LRPPRC: variants seen among roughly 807,000 people sequenced by gnomAD.
The protein encoded by LRPPRC is leucine rich pentatricopeptide repeat containing.
In LRPPRC, 120 loss-of-function variants were observed where a neutral mutation model predicts 180.3. The observed-to-expected ratio is 0.67, with a 90% CI of 0.57 to 0.77. The LOEUF (loss-of-function observed/expected upper bound fraction) is 0.77. Among genes scored for constraint, LRPPRC ranks in the 30% least tolerant of loss-of-function variants. LRPPRC has a pLI of 0.00. For synonymous variants in LRPPRC, 723 were observed against 600.0 expected (o/e 1.21, Z -3.00); for missense variants, 2,012 against 1,657.2 (o/e 1.21, Z -3.72).
chr2:43,989,668 A>G (rs1200700618), intron 1 of LRPPRC, among the ~76,000 whole-genome samples: 2 of 152,230 alleles, frequency 1.3e-5, no homozygotes, highest in Non-Finnish European at 2.9e-5. Context: ...TCTGCACCCA[A>G]TGATAACTAC....
intron 31 of LRPPRC, chr2:43,901,908 T>C: frequency 5.7e-6 from 1 of 176,616 alleles, no homozygotes; most frequent in East Asian, 1.5e-4. Flanking sequence ...GTCCAGATTT[T>C]AACTCGAAGA....
At position 43,886,376 on chromosome 2, in the gene LRPPRC, T is replaced by G. The variant is rs757205247; in HGVS notation, c.*2224A>C. 25 of 152,346 alleles carry G rather than the reference T, an allele frequency of 1.6e-4. No individual in the cohort carries two copies. The highest frequency in any genetic ancestry group is 3.5e-4 in the Non-Finnish European group (24 of 68,028). The allele number at this position is 152,346 out of a possible 1,614,324, so 9.4% of individuals were successfully genotyped here. ...TAGCTGCTTATAATTTGAGTGTAAATGTATTACAGAAAGCTGCTAAATTGT... is the reference window on the plus strand; with the variant it reads ...TAGCTGCTTATAATTTGAGTGTAAAGGTATTACAGAAAGCTGCTAAATTGT... On this transcript the variant is annotated 3_prime_UTR_variant, in exon 38 of 38. Transcript: ENST00000260665.
chr2:43,977,868 C>T lies in LRPPRC; in HGVS notation c.470-592G>A, dbSNP rs12986517. Among the ~76,000 whole-genome samples the T allele has an allele frequency of 9.2e-3, 1,393 of 152,206 alleles. 13 individuals are homozygous for T. The highest frequency in any genetic ancestry group is 0.012 in the Non-Finnish European group (835 of 67,958). On this transcript the variant is annotated intron_variant, in intron 3 of 37. Coordinates refer to ENST00000260665, the MANE Select transcript of LRPPRC (RefSeq NM_133259.4). ...ACAGCCTTACTCTACTGAGTCATGA[C>T]ATCATGGTCTTTATATCAATTTTGT...
At chr2:43,958,741 C>T (rs1344317473) in intron 13 of LRPPRC, among the ~76,000 whole-genome samples, 1 of 152,188 alleles carries the variant, frequency 6.6e-6, no homozygotes, top group Non-Finnish European at 1.5e-5. Context: ...TTACTGTTCT[C>T]TACTACCTGA....
intron 21 of LRPPRC, among the ~76,000 whole-genome samples, chr2:43,945,867 T>C (rs1320068035): frequency 6.6e-6 from 1 of 152,000 alleles, no homozygotes; most frequent in Admixed American, 6.6e-5. Flanking sequence ...TGATATATAA[T>C]CAATGGAAAA....
chr2:43,934,723 A>G (rs1203407113), intron 24 of LRPPRC, 31 bp downstream of exon 24: 2 of 1,608,514 alleles, frequency 1.2e-6, no homozygotes, highest in Non-Finnish European at 1.7e-6. Flanking sequence ...GGGAAAAAAA[A>G]ACTACATTAA....
rs752356949 is a variant in LRPPRC, at chr2:43,934,847, T to C, written c.2536A>G (p.Ile846Val). 8 of 1,613,126 alleles carry C rather than the reference T, an allele frequency of 5.0e-6. No homozygotes were observed. The East Asian group carries it at 6.7e-5, about 14-fold the overall frequency. Reference sequence around the variant, plus strand: ...ACTTTATACTTTTCATAGCAGTCAATGGCGACCTCAAGAGCAGTAGATAGG... The same window carrying C: ...ACTTTATACTTTTCATAGCAGTCAACGGCGACCTCAAGAGCAGTAGATAGG... ...GDLSTALEVA[I>V]DCYEKYKVLP... Residue 846 changes from isoleucine to valine, a missense_variant, in exon 24 of 38, where the codon ATT becomes GTT. Transcript: ENST00000260665.
Position 43,995,873 on chromosome 2 carries a change from G to C in LRPPRC, c.75C>G (p.Arg25=). 6.6e-7 allele frequency: 1 copy of C among 1,504,906 alleles called. No individual in the cohort carries two copies. Among genetic ancestry groups the C allele is most frequent in the South Asian group, 1.2e-5 (1 of 80,966 alleles). 93.2% of individuals were successfully genotyped at this position (1,504,906 alleles called of 1,614,324 possible). Residue 25 remains arginine (R), a synonymous_variant, in exon 1 of 38, where the codon CGC becomes CGG. Coordinates refer to ENST00000260665, the MANE Select transcript of LRPPRC (RefSeq NM_133259.4). ...GAAPRLPLSL[R]LLPGGPGRLH... is the part of the protein sequence containing the mutation. ...GCCGGCCCGGGCCGCCAGGGAGGAG[G>C]CGCAGGGAGAGCGGGAGGCGCGGGG...
At chr2:43,898,253 G>T (rs761752220) in intron 34 of LRPPRC, among the ~76,000 whole-genome samples, 3 of 151,948 alleles carry the variant, frequency 2.0e-5, no homozygotes, top group Non-Finnish European at 4.4e-5. Flanking sequence ...TTTAAAAATG[G>T]ATTGGATTCT....
intron 23 of LRPPRC, among the ~76,000 whole-genome samples, chr2:43,942,087 A>G (rs1179904355): frequency 6.6e-6 from 1 of 152,030 alleles, no homozygotes; most frequent in Non-Finnish European, 1.5e-5. Context: ...CCATTTTCCC[A>G]TGGGTAAGCT....
chr2:43,982,316 G>A lies in LRPPRC; in HGVS notation c.268C>T (p.Leu90=), dbSNP rs750127996. Residue 90 remains leucine, a synonymous_variant, in exon 2 of 38, where the codon CTA becomes TTA. Coordinates refer to ENST00000260665, the MANE Select transcript of LRPPRC (RefSeq NM_133259.4). ...CCAGTTCTTCGAACAGAAAGATCTA[G>A]TCTCATTAGAGCCCAATCAAACTGA... ...SNQFDWALMR[L]DLSVRRTGRI... The A allele has an allele frequency of 6.2e-7, 1 of 1,610,908 alleles. No homozygotes were observed. Among genetic ancestry groups the A allele is most frequent in the East Asian group, 2.2e-5 (1 of 44,842 alleles).
At chr2:43,941,699 T>C (rs951839612) in intron 23 of LRPPRC, among the ~76,000 whole-genome samples, 3 of 151,998 alleles carry the variant, frequency 2.0e-5, no homozygotes, top group African/African-American at 7.2e-5. Flanking sequence ...GTTTCTGCTG[T>C]TTTCTGTAAT....
chr2:43,930,591 T>C (rs1043769432), intron 25 of LRPPRC, among the ~76,000 whole-genome samples: 3 of 152,208 alleles, frequency 2.0e-5, no homozygotes, highest in Admixed American at 1.3e-4. Context: ...GCGCCCTTTC[T>C]CCTTTGAGAA....
chr2:43,897,337 C>T lies in LRPPRC; in HGVS notation c.3826-629G>A, dbSNP rs142848196. Among the ~76,000 whole-genome samples the T allele has an allele frequency of 3.8e-3, 583 of 152,138 alleles. 4 individuals carry two copies. The highest frequency in any genetic ancestry group is 6.4e-3 in the Non-Finnish European group (438 of 68,008). On this transcript the variant is annotated intron_variant, in intron 34 of 37. Coordinates refer to ENST00000260665, the MANE Select transcript of LRPPRC (RefSeq NM_133259.4). ...TCAAATGTCTATCCAATCTTAGATG[C>T]TATAGTAAAATCAAATATGGCAAGA... is the stretch of plus-strand genomic sequence containing the variant.
chr2:43,898,046 T>A (rs17031754), intron 34 of LRPPRC, among the ~76,000 whole-genome samples: 19,338 of 127,950 alleles, frequency 0.15, 1,477 homozygotes, highest in Middle Eastern at 0.25. Flanking sequence ...GAAATCCCTA[T>A]CATAAACTGC....
chr2:43,984,319 T>G (rs566031280), intron 1 of LRPPRC, among the ~76,000 whole-genome samples: 16 of 152,304 alleles, frequency 1.1e-4, no homozygotes, highest in African/African-American at 3.6e-4. Context: ...AATGCAAATC[T>G]GATAAACTGT....
At chr2:43,942,970 C>A (rs2105075903) in intron 23 of LRPPRC, among the ~76,000 whole-genome samples, 1 of 152,018 alleles carries the variant, frequency 6.6e-6, no homozygotes, top group East Asian at 1.9e-4. Flanking sequence ...CCATGTAATG[C>A]AGATTACAAA....
At chr2:43,915,198 A>ACTCTCTCTCTCTCT (rs142492838) in intron 29 of LRPPRC, among the ~76,000 whole-genome samples, 1,541 of 63,352 alleles carry the variant, frequency 0.024, 102 homozygotes, top group Non-Finnish European at 0.044. Context: ...ACAGAACAAG[A>ACTCTCTCTCTCTCT]CTCTCTCTCT....
At chr2:43,931,707 A>T (rs1672094198) in intron 25 of LRPPRC, among the ~76,000 whole-genome samples, 1 of 152,198 alleles carries the variant, frequency 6.6e-6, no homozygotes, top group Non-Finnish European at 1.5e-5. Flanking sequence ...TTAACAGAAA[A>T]TAGGGTGAAT....
Sources: gnomAD v4.1 joint callset for allele counts (sites outside exome capture counted in the v4.1 genomes callset) on GRCh38, gnomAD v4.1.1 for gene constraint, MANE v1.5 for transcripts, NCBI Gene and HGNC (gene_info 2026-07-23, HGNC 2026-07-21) for gene names.